Variants in SLC12A7 observed in about 807,000 individuals in gnomAD.
SLC12A7 encodes the protein solute carrier family 12 member 7, also known as K-Cl cotransporter 4.
SLC12A7 carries 100 observed loss-of-function variants against 120.6 expected under a neutral mutation model. The observed-to-expected ratio is 0.83, with a 90% CI of 0.71 to 0.98. SLC12A7 has a LOEUF of 0.98. Among genes scored for constraint, SLC12A7 ranks in the 50% least tolerant of loss-of-function variants. The probability of loss-of-function intolerance (pLI) is 0.00; values close to 1 mark genes in which losing one functional copy is unlikely to be tolerated. For synonymous variants in SLC12A7, 760 were observed against 678.0 expected (o/e 1.12, Z -1.88); for missense variants, 1,373 against 1,548.1 (o/e 0.89, Z 1.90).
chr5:1,093,559 C>A lies in SLC12A7; in HGVS notation c.316G>T (p.Glu106Ter). ...TTGGCCTCCCGCCGCCGGCTCTCCT[C>A]GTCCTCCTCGTGCTCCACCACGCCC... is the stretch of plus-strand genomic sequence containing the variant. ...SQGVVEHEED[E>*]ESRRREAKAP... The change falls in exon 3 of 24, where the codon GAG becomes TAG. Residue 106 changes from glutamate (E) to a stop codon, truncating the protein, a stop_gained. Transcript: ENST00000264930. LOFTEE classifies it high-confidence loss of function. 6.2e-7 allele frequency: 1 copy of A among 1,602,270 alleles called. No homozygotes were observed. The highest frequency in any genetic ancestry group is 8.5e-7 in the Non-Finnish European group (1 of 1,175,364).
chr5:1,087,885 G>A (rs908398473), intron 5 of SLC12A7, among the ~76,000 whole-genome samples: 9 of 152,170 alleles, frequency 5.9e-5, no homozygotes, highest in Non-Finnish European at 1.2e-4. Context: ...CGGTTCACTA[G>A]TTATTTAGTT....
chr5:1,091,806 G>A (rs1475514409), intron 3 of SLC12A7, among the ~76,000 whole-genome samples: 1 of 151,378 alleles, frequency 6.6e-6, no homozygotes, highest in East Asian at 1.9e-4. Flanking sequence ...GCAATGCCCA[G>A]TTCCACACCA....
At chr5:1,059,686 G>A (rs757642017) in intron 21 of SLC12A7, among the ~76,000 whole-genome samples, 2 of 149,764 alleles carry the variant, frequency 1.3e-5, no homozygotes, top group Non-Finnish European at 2.9e-5. Context: ...GCAGCCTACA[G>A]TTACCCACGG....
intron 8 of SLC12A7, among the ~76,000 whole-genome samples, chr5:1,082,363 AGGCTTCCCGTCTCGGGTTCTGGAAAGTC>A (rs1739265956): frequency 3.7e-5 from 1 of 26,880 alleles, no homozygotes; most frequent in Middle Eastern, 0.023. Context: ...TGGAAAGTCC[AGGCTTCCCGTCTCGGGTTCTGGAAAGTC>A]CAGGCTTCCC....
chr5:1,088,562 T>G (rs1026448615), intron 4 of SLC12A7, among the ~76,000 whole-genome samples: 2 of 152,010 alleles, frequency 1.3e-5, no homozygotes, highest in African/African-American at 4.8e-5. Flanking sequence ...TCCCACCCCT[T>G]CCCCTATGAC....
chr5:1,130,555 A>G, the SLC12A7 span, among the ~76,000 whole-genome samples: 205 of 144,652 alleles, frequency 1.4e-3, no homozygotes, highest in Middle Eastern at 8.2e-3. Flanking sequence ...CTGCCCGCGC[A>G]GGTCCCCTCA....
chr5:1,098,085 C>G, intron 1 of SLC12A7, among the ~76,000 whole-genome samples: 1 of 147,664 alleles, frequency 6.8e-6, no homozygotes, highest in East Asian at 2.0e-4. Context: ...CACCCAGCCG[C>G]CCCCTCCAAC....
At chr5:1,087,531 T>C (rs1409284652) in intron 5 of SLC12A7, among the ~76,000 whole-genome samples, 10 of 152,258 alleles carry the variant, frequency 6.6e-5, no homozygotes, top group Non-Finnish European at 1.0e-4. Flanking sequence ...GTGTGGCATG[T>C]GGAAGGGGTC....
intron 22 of SLC12A7, among the ~76,000 whole-genome samples, chr5:1,055,449 C>T (rs2115283): frequency 0.37 from 56,544 of 152,190 alleles, 12,201 homozygotes; most frequent in East Asian, 0.48. Flanking sequence ...ATCTCACGCC[C>T]GCACTGCCCA....
intron 3 of SLC12A7, among the ~76,000 whole-genome samples, chr5:1,089,827 G>A (rs1740292347): frequency 6.6e-6 from 1 of 152,210 alleles, no homozygotes; most frequent in African/African-American, 2.4e-5. Flanking sequence ...GCCAGCGCCT[G>A]CCAGGCAGCT....
chr5:1,130,626 C>CCCACGCGTGTCCCCTCACCTCCTT, the SLC12A7 span, among the ~76,000 whole-genome samples: 3 of 151,918 alleles, frequency 2.0e-5, no homozygotes, highest in Non-Finnish European at 1.5e-5. Flanking sequence ...AGGGTGGGGG[C>CCCACGCGTGTCCCCTCACCTCCTT]AGCAGGGAGG....
At chr5:1,149,388 C>T in the SLC12A7 span, among the ~76,000 whole-genome samples, 1 of 152,030 alleles carries the variant, frequency 6.6e-6, no homozygotes, top group African/African-American at 2.4e-5. Context: ...ACCAGCCTGG[C>T]CAACATGGCG....
chr5:1,098,010 G>C (rs1447658065), intron 1 of SLC12A7, among the ~76,000 whole-genome samples: 1 of 151,884 alleles, frequency 6.6e-6, no homozygotes, highest in East Asian at 1.9e-4. Context: ...GACGTCATGG[G>C]CTCAATGCCA....
At chr5:1,143,460 G>A in the SLC12A7 span, among the ~76,000 whole-genome samples, 11 of 152,290 alleles carry the variant, frequency 7.2e-5, no homozygotes, top group East Asian at 2.1e-3. Context: ...CGCATCCCTG[G>A]TGTCGCTTTC....
At chr5:1,137,018 G>GAC in the SLC12A7 span, among the ~76,000 whole-genome samples, 3 of 148,482 alleles carry the variant, frequency 2.0e-5, no homozygotes, top group South Asian at 6.6e-4. Flanking sequence ...CCAACAGCAG[G>GAC]ACACACACAC....
chr5:1,089,274 C>G, intron 3 of SLC12A7, 146 bp from the exon 4 acceptor site: 3 of 813,102 alleles, frequency 3.7e-6, no homozygotes, highest in Non-Finnish European at 5.6e-6. Context: ...GATGGAGGTT[C>G]AGAGAGAGGC....
chr5:1,153,160 G>A, the SLC12A7 span, among the ~76,000 whole-genome samples: 55 of 152,314 alleles, frequency 3.6e-4, no homozygotes, highest in Middle Eastern at 0.017. Context: ...CCGCATGGCC[G>A]TGGGCACAGG....
In SLC12A7 at chr5:1,086,829, G is replaced by A. The variant is rs982288005; in HGVS notation, c.675+74C>T. On this transcript the variant is annotated intron_variant, in intron 6 of 23. Coordinates refer to ENST00000264930, the MANE Select transcript of SLC12A7 (RefSeq NM_006598.3). ...CTCAGTGTGCTGTGTGTGCCACAGA[G>A]TGGGTCAGGCAGGGCCCCTTGGCAT... The A allele has an allele frequency of 3.8e-6, 6 of 1,568,764 alleles. No homozygotes were observed. In the African/African-American group the frequency reaches 8.1e-5, roughly 21 times the overall value.
chr5:1,108,731 G>A (rs1742756088), intron 1 of SLC12A7, among the ~76,000 whole-genome samples: 1 of 152,254 alleles, frequency 6.6e-6, no homozygotes, highest in Non-Finnish European at 1.5e-5. Context: ...GCAGTGCAGA[G>A]CATGGCACCC....
Sources: gnomAD v4.1 joint callset for allele counts (sites outside exome capture counted in the v4.1 genomes callset) on GRCh38, gnomAD v4.1.1 for gene constraint, MANE v1.5 for transcripts, NCBI Gene and HGNC (gene_info 2026-07-23, HGNC 2026-07-21) for gene names.